ABCC11: variants seen among roughly 807,000 people sequenced by gnomAD.
ABCC11 encodes the protein ATP binding cassette subfamily C member 11.
In ABCC11, 135 loss-of-function variants were observed where a neutral mutation model predicts 149.3. The ratio of observed to expected loss-of-function variants is 0.90; its 90% confidence interval spans 0.79 to 1.04. ABCC11 has a LOEUF of 1.04. Among genes scored for constraint, ABCC11 ranks in the 50% least tolerant of loss-of-function variants. The probability of loss-of-function intolerance (pLI) is 0.00; values close to 1 mark genes in which losing one functional copy is unlikely to be tolerated. For missense variants in ABCC11, 1,680 were observed against 1,722.1 expected, an observed-to-expected ratio of 0.98 and a Z score of 0.43; for synonymous variants, 665 against 671.4, an observed-to-expected ratio of 0.99 and a Z score of 0.15.
chr16:48,193,383 G>T (rs1395375385), intron 19 of ABCC11, among the ~76,000 whole-genome samples: 1 of 152,128 alleles, frequency 6.6e-6, no homozygotes, highest in African/African-American at 2.4e-5. Flanking sequence ...TTCCGGCCCT[G>T]TCCTGTCCTA....
intron 6 of ABCC11, among the ~76,000 whole-genome samples, chr16:48,221,873 A>G (rs1032837984): frequency 3.3e-5 from 5 of 151,278 alleles, no homozygotes; most frequent in Admixed American, 3.3e-4. Flanking sequence ...TCTCAAGTAG[A>G]TGGGACTATA....
downstream of ABCC11, chr16:48,165,698 C>T (rs1050251475): frequency 1.3e-5 from 2 of 152,222 alleles, no homozygotes; most frequent in African/African-American, 2.4e-5. Context: ...CTTACCCTCA[C>T]GAGATTCCAA....
chr16:48,184,771 C>T (rs1966655251), intron 22 of ABCC11, 145 bp from the exon 23 acceptor site: 1 of 805,078 alleles, frequency 1.2e-6, no homozygotes, highest in African/African-American at 1.7e-5. Flanking sequence ...GAGTTCCTCC[C>T]TACCCCTTTC....
chr16:48,177,001 G>A lies in ABCC11; in HGVS notation c.3461C>T (p.Thr1154Ile), dbSNP rs2150734760. ...QDYHMKYRDN[T>I]PTVLHGINLT... ...GTTGATGCCGTGAAGCACGGTGGGT[G>A]TGTTGTCTCTGTATTTCATGTGATA... Residue 1154 changes from threonine to isoleucine, a missense_variant, in exon 25 of 30, where the codon ACA (threonine) becomes ATA (isoleucine). Transcript: ENST00000356608. The A allele has an allele frequency of 1.2e-6, 2 of 1,614,196 alleles. No individual in the cohort carries two copies. Among genetic ancestry groups the A allele is most frequent in the Non-Finnish European group, 1.7e-6 (2 of 1,180,030 alleles).
rs750997339 is a variant in ABCC11 at position 48,187,329 on chromosome 16, G to C, written c.2805C>G (p.Pro935=). The change falls in exon 21 of 30, where the codon CCC becomes CCG. Residue 935 remains proline, a synonymous_variant. Transcript: ENST00000356608. ...GDLEQLDQLL[P]IFSEQFLVLS... ...GGACCAGGAACTGCTCTGAAAAGAT[G>C]GGCAAGAGCTGGTCCAGCTGTTCCA... 6.2e-7 allele frequency: 1 copy of C among 1,614,194 alleles called. No individual in the cohort carries two copies. The highest frequency in any genetic ancestry group is 1.3e-5 in the African/African-American group (1 of 75,056).
chr16:48,186,805 G>T, intron 22 of ABCC11, 148 bp downstream of exon 22: 1 of 1,001,354 alleles, frequency 1.0e-6, no homozygotes, highest in Non-Finnish European at 1.4e-6. Flanking sequence ...GGTTCAGCAG[G>T]TTCTGGAGGC....
At chr16:48,221,073 C>T (rs774470731) in intron 6 of ABCC11, among the ~76,000 whole-genome samples, 9 of 152,076 alleles carry the variant, frequency 5.9e-5, no homozygotes, top group Non-Finnish European at 7.4e-5. Context: ...GTGACATAAG[C>T]AAAGTCACCA....
chr16:48,244,326 C>A, intron 1 of ABCC11: 1 of 1,257,812 alleles, frequency 8.0e-7, no homozygotes, highest in Non-Finnish European at 1.1e-6. Context: ...GACTGCGGGG[C>A]AGGCCGGGGG....
Position 48,193,911 on chromosome 16 carries a change from A to T in ABCC11, c.2476T>A (p.Trp826Arg). 1 of 1,614,050 alleles carries T rather than the reference A, an allele frequency of 6.2e-7. No homozygotes were observed. The highest frequency in any genetic ancestry group is 2.2e-5 in the East Asian group (1 of 44,882). ...CCCTGCTCCAACCAGTAGCTCAGCC[A>T]CCAGAAGCTGAAGATCGTTAAGAAG... ...IVFLTIFSFW[W>R]LSYWLEQGSG... is the part of the protein sequence containing the mutation. Residue 826 changes from tryptophan to arginine, a missense_variant, in exon 19 of 30, where the codon TGG (tryptophan) becomes AGG (arginine). Coordinates refer to ENST00000356608, the MANE Select transcript of ABCC11 (RefSeq NM_001370497.1).
At chr16:48,237,955 C>T (rs2150934165) in intron 1 of ABCC11, among the ~76,000 whole-genome samples, 1 of 152,308 alleles carries the variant, frequency 6.6e-6, no homozygotes, top group Admixed American at 6.5e-5. Context: ...TATTACTATC[C>T]AGAAATATTT....
At chr16:48,220,241 G>C (rs1969645738) in intron 6 of ABCC11, among the ~76,000 whole-genome samples, 1 of 152,184 alleles carries the variant, frequency 6.6e-6, no homozygotes, top group Non-Finnish European at 1.5e-5. Context: ...CTGCAGCCAG[G>C]CACCATGTCC....
intron 22 of ABCC11, 35 bp from the exon 23 acceptor site, chr16:48,184,661 T>C: frequency 1.9e-6 from 3 of 1,600,158 alleles, no homozygotes; most frequent in Non-Finnish European, 2.6e-6. Flanking sequence ...AACCATGTGT[T>C]TGTCTGACCT....
chr16:48,211,117 G>A lies in ABCC11; in HGVS notation c.1439C>T (p.Thr480Ile). 6.2e-7 allele frequency: 1 copy of A among 1,614,232 alleles called. No individual in the cohort carries two copies. Among genetic ancestry groups the A allele is most frequent in the South Asian group, 1.1e-5 (1 of 91,086 alleles). Reference sequence around the variant, plus strand: ...GGGACAGGTCTGTTGCCATGACAAGGTGGCCTCCTCAAAGACCAGAGCTTT... The same window carrying A: ...GGGACAGGTCTGTTGCCATGACAAGATGGCCTCCTCAAAGACCAGAGCTTT... ...PSKALVFEEATLSWQQTCPGI... is the reference protein window; with the variant it reads ...PSKALVFEEAILSWQQTCPGI... The change falls in exon 11 of 30, where the codon ACC (threonine) becomes ATC (isoleucine). Residue 480 changes from threonine (T) to isoleucine (I), a missense_variant. Physicochemically the swap from Thr to Ile is moderately conservative, Grantham distance 89 (BLOSUM62 -1). Coordinates refer to ENST00000356608, the MANE Select transcript of ABCC11 (RefSeq NM_001370497.1).
downstream of ABCC11, chr16:48,165,564 T>C (rs535159347): frequency 1.3e-5 from 2 of 152,454 alleles, no homozygotes; most frequent in East Asian, 1.9e-4. Context: ...CAGTAAACTG[T>C]GCCCACACTG....
rs373608458 is a variant in ABCC11, at chr16:48,225,600, G to A, written c.396-1171C>T. Among the ~76,000 whole-genome samples, 5 of 152,026 alleles carry A rather than the reference G, an allele frequency of 3.3e-5. No homozygotes were observed. The South Asian group carries it at 8.3e-4, about 25-fold the overall frequency. On this transcript the variant is annotated intron_variant, in intron 4 of 29. Transcript: ENST00000356608. ...CTTAATGAAATCCAGAATTCCAGCC[G>A]TTTGGCAAAAAAAAATGTAAGAGGT...
chr16:48,243,078 A>T lies in ABCC11; in HGVS notation c.-19+4236T>A, dbSNP rs1024269028. On this transcript the variant is annotated intron_variant, in intron 1 of 29. Coordinates refer to ENST00000356608, the MANE Select transcript of ABCC11 (RefSeq NM_001370497.1). Reference sequence around the variant, plus strand: ...AAAATAAAATTAAATTAAAAACAGAAAAAAAATAAAAGTATCAAGGTTGTA... The same window carrying T: ...AAAATAAAATTAAATTAAAAACAGATAAAAAATAAAAGTATCAAGGTTGTA... Among the ~76,000 whole-genome samples, 4 of 151,862 alleles carry T rather than the reference A, an allele frequency of 2.6e-5. No homozygotes were observed. The East Asian group carries it at 5.8e-4, about 22-fold the overall frequency.
At position 48,230,485 on chromosome 16, in the gene ABCC11, T is replaced by C. The variant is rs1354784680; in HGVS notation, c.188A>G (p.Lys63Arg). The C allele has an allele frequency of 2.5e-6, 4 of 1,612,572 alleles. No homozygotes were observed. Among genetic ancestry groups the C allele is most frequent in the East Asian group, 4.5e-5 (2 of 44,830 alleles). Residue 63 changes from lysine to arginine, a missense_variant, in exon 3 of 30, where the codon AAG becomes AGG. By Grantham distance (26) the Lys-to-Arg change is conservative (BLOSUM62 2). Coordinates refer to ENST00000356608, the MANE Select transcript of ABCC11 (RefSeq NM_001370497.1). ...CATGGTTCTCAAGGCAGCATCATAC[T>C]TCCCCCACGGTGGGACAGCTGCCCT... ...PGRAAVPPWG[K>R]YDAALRTMIP...
At position 48,244,619 on chromosome 16, in the gene ABCC11, C is replaced by A. The variant is rs1351457177; in HGVS notation, c.-19+2695G>T. 2.8e-6 allele frequency: 4 copies of A among 1,406,680 alleles called. No homozygotes were observed. Among genetic ancestry groups the A allele is most frequent in the African/African-American group, 1.5e-5 (1 of 66,192 alleles). The allele number at this position is 1,406,680 out of a possible 1,614,324, so 87.1% of individuals were successfully genotyped here. ...ACGCGCAGGACCTGCCGCCGCTGCA[C>A]AGGTAGGCCTGGCTGCCCCCGCGGC... is the stretch of plus-strand genomic sequence containing the variant. On this transcript the variant is annotated intron_variant, in intron 1 of 29. Coordinates refer to ENST00000356608, the MANE Select transcript of ABCC11 (RefSeq NM_001370497.1).
chr16:48,192,581 C>T lies in ABCC11; in HGVS notation c.2645G>A (p.Gly882Glu). The change falls in exon 20 of 30, where the codon GGG (glycine) becomes GAG (glutamate). Residue 882 changes from glycine to glutamate, a missense_variant. By Grantham distance (98) the Gly-to-Glu change is moderately conservative. Coordinates refer to ENST00000356608, the MANE Select transcript of ABCC11 (RefSeq NM_001370497.1). ...CTTCCTCGTGACCTTGGTGAAAATC[C>T]CTGAGGAGCAGACCCCCACACAGAT... ...LLICVGVCSS[G>E]IFTKVTRKAS... 1 of 1,614,206 alleles carries T rather than the reference C, an allele frequency of 6.2e-7. No individual in the cohort carries two copies. Among genetic ancestry groups the T allele is most frequent in the Non-Finnish European group, 8.5e-7 (1 of 1,180,040 alleles).
Sources: gnomAD v4.1 joint callset for allele counts (sites outside exome capture counted in the v4.1 genomes callset) on GRCh38, gnomAD v4.1.1 for gene constraint, MANE v1.5 for transcripts, NCBI Gene and HGNC (gene_info 2026-07-23, HGNC 2026-07-21) for gene names.